Variants in RABGAP1L observed in about 807,000 individuals in gnomAD.
The protein encoded by RABGAP1L is RAB GTPase activating protein 1 like.
In RABGAP1L, 63 loss-of-function variants were observed where a neutral mutation model predicts 137.7. The observed-to-expected ratio is 0.46, with a 90% CI of 0.37 to 0.56. The LOEUF is 0.56. Among genes scored for constraint, RABGAP1L ranks in the 20% least tolerant of loss-of-function variants. The pLI is 0.00. For missense variants in RABGAP1L, 1,095 were observed against 1,244.0 expected, an observed-to-expected ratio of 0.88 and a Z score of 1.80; for synonymous variants, 431 against 433.7, an observed-to-expected ratio of 0.99 and a Z score of 0.08.
intron 7 of RABGAP1L, among the ~76,000 whole-genome samples, chr1:174,266,066 T>C (rs1674044655): frequency 6.6e-6 from 1 of 152,186 alleles, no homozygotes; most frequent in Non-Finnish European, 1.5e-5. Flanking sequence ...ATTACTGATA[T>C]CACTGAAGTT....
At chr1:174,946,944 GT>G (rs1666944847) in intron 19 of RABGAP1L, among the ~76,000 whole-genome samples, 2 of 53,360 alleles carry the variant, frequency 3.7e-5, no homozygotes, top group South Asian at 7.7e-4. Context: ...ATATATATGT[GT>G]GTGTGTGTGT....
At chr1:174,685,853 G>A (rs1229267332) in intron 15 of RABGAP1L, among the ~76,000 whole-genome samples, 1 of 152,182 alleles carries the variant, frequency 6.6e-6, no homozygotes, top group Non-Finnish European at 1.5e-5. Context: ...GAGCCGCTGT[G>A]CCCGTCTGAT....
chr1:174,221,708 G>A (rs1262427210), intron 3 of RABGAP1L, among the ~76,000 whole-genome samples: 3 of 152,118 alleles, frequency 2.0e-5, no homozygotes, highest in African/African-American at 7.2e-5. Context: ...AAACACCACA[G>A]GTATAATTTG....
chr1:174,704,032 C>CT (rs1679868972), intron 17 of RABGAP1L, among the ~76,000 whole-genome samples: 1 of 152,174 alleles, frequency 6.6e-6, no homozygotes, highest in Non-Finnish European at 1.5e-5. Flanking sequence ...TAGTCTCACT[C>CT]TGTCACCTAG....
intron 6 of RABGAP1L, among the ~76,000 whole-genome samples, chr1:174,250,850 A>G (rs931435483): frequency 2.0e-5 from 3 of 151,946 alleles, no homozygotes; most frequent in African/African-American, 7.3e-5. Flanking sequence ...TGGAGTGTGC[A>G]TGTGCAATGG....
intron 13 of RABGAP1L, among the ~76,000 whole-genome samples, chr1:174,434,867 A>G (rs1225015830): frequency 6.6e-6 from 1 of 152,072 alleles, no homozygotes; most frequent in African/African-American, 2.4e-5. Flanking sequence ...TCAGTTATAT[A>G]TTTTGGATGC....
chr1:174,220,237 G>A (rs983397556), intron 2 of RABGAP1L, among the ~76,000 whole-genome samples: 2 of 152,100 alleles, frequency 1.3e-5, no homozygotes, highest in African/African-American at 4.8e-5. Flanking sequence ...CAGAAATATG[G>A]TTATGCTGTG....
rs563036203 is a variant in RABGAP1L, at chr1:174,310,259, T to C, written c.1465+5132T>C. ...TTAATTTCCATGTATTTGTGAATTT[T>C]CCGAAGCTTTTTCTGTTATTAATTT... On this transcript the variant is annotated intron_variant, in intron 11 of 25. Transcript: ENST00000681986. Among the ~76,000 whole-genome samples the C allele has an allele frequency of 4.6e-5, 7 of 152,308 alleles. No homozygotes were observed. The South Asian group carries it at 1.5e-3, about 32-fold the overall frequency.
intron 14 of RABGAP1L, among the ~76,000 whole-genome samples, chr1:174,645,240 A>G (rs1365171312): frequency 1.3e-5 from 2 of 152,022 alleles, no homozygotes; most frequent in South Asian, 2.1e-4. Context: ...TGTATTATAT[A>G]TATCTTTTCA....
At position 174,624,790 on chromosome 1, in the gene RABGAP1L, A is replaced by G. The variant is rs184784697; in HGVS notation, c.1711-12585A>G. ...TGACTGTAACACTCTTTCTCTAAAT[A>G]TTTCTCTAAATAATCTCACTCAGAG... On this transcript the variant is annotated intron_variant, in intron 13 of 25. Coordinates refer to ENST00000681986, the MANE Select transcript of RABGAP1L (RefSeq NM_001366446.1). Among the ~76,000 whole-genome samples, 1,036 of 144,452 alleles carry G rather than the reference A, an allele frequency of 7.2e-3. 13 individuals are homozygous for G. Among genetic ancestry groups the G allele is most frequent in the African/African-American group, 0.028 (976 of 35,044 alleles). The allele number at this position is 144,452 out of a possible 152,430, so 94.8% of individuals were successfully genotyped here.
chr1:174,161,444 G>A (rs1664447200), intron 1 of RABGAP1L, among the ~76,000 whole-genome samples: 1 of 152,082 alleles, frequency 6.6e-6, no homozygotes, highest in Admixed American at 6.5e-5. Context: ...GTTTCTCCAT[G>A]TTGGTCAGGC....
chr1:174,372,225 G>C (rs1171725346), intron 12 of RABGAP1L, among the ~76,000 whole-genome samples: 1 of 151,988 alleles, frequency 6.6e-6, no homozygotes, highest in Non-Finnish European at 1.5e-5. Flanking sequence ...AGCAAAATAT[G>C]AGCATGGACC....
chr1:174,417,552 A>G (rs1650746980), intron 13 of RABGAP1L, among the ~76,000 whole-genome samples: 1 of 152,212 alleles, frequency 6.6e-6, no homozygotes, highest in Non-Finnish European at 1.5e-5. Context: ...ATCTTGAACA[A>G]GAACAGTGAT....
chr1:174,730,551 T>A (rs1348527667), intron 17 of RABGAP1L, among the ~76,000 whole-genome samples: 1 of 152,210 alleles, frequency 6.6e-6, no homozygotes, highest in Non-Finnish European at 1.5e-5. Context: ...AATAAGACCT[T>A]TTTTTGGTGA....
At chr1:174,849,798 T>C (rs894592787) in intron 19 of RABGAP1L, 1 of 541,720 alleles carries the variant, frequency 1.8e-6, no homozygotes, top group African/African-American at 1.9e-5. Flanking sequence ...TTTATGATTA[T>C]TGAGAAGTGT....
intron 10 of RABGAP1L, among the ~76,000 whole-genome samples, chr1:174,297,999 T>C (rs1677285013): frequency 6.6e-6 from 1 of 152,028 alleles, no homozygotes; most frequent in Non-Finnish European, 1.5e-5. Context: ...ACGTGTCCCA[T>C]AGTACAGAGA....
intron 19 of RABGAP1L, 138 bp downstream of exon 19, chr1:174,812,098 G>A (rs1288790247): frequency 1.2e-6 from 1 of 812,702 alleles, no homozygotes; most frequent in African/African-American, 1.8e-5. Flanking sequence ...ATTTCTCCCA[G>A]ATGTGTTTGT....
chr1:174,211,837 TATCAG>T (rs1362621464), intron 1 of RABGAP1L, among the ~76,000 whole-genome samples: 1 of 152,142 alleles, frequency 6.6e-6, no homozygotes, highest in Non-Finnish European at 1.5e-5. Context: ...GCTATACTTC[TATCAG>T]ACAAAATTGA....
chr1:174,875,620 G>A lies in RABGAP1L; in HGVS notation c.2340+63660G>A, dbSNP rs1652962010. 4.1e-6 allele frequency: 4 copies of A among 985,312 alleles called. No homozygotes were observed. The African/African-American group carries it at 7.0e-5, about 17-fold the overall frequency. 61.0% of individuals were successfully genotyped at this position (985,312 alleles called of 1,614,324 possible). A position where few individuals can be genotyped will look rare whatever the true frequency, so the allele number is the denominator to read the frequency against. ...ATTGCTTTCACATCTAGAAAATGTT[G>A]CAAGATAATCTGAAATCTTCTGGTG... On this transcript the variant is annotated intron_variant, in intron 19 of 25. Transcript: ENST00000681986.
Sources: gnomAD v4.1 joint callset for allele counts (sites outside exome capture counted in the v4.1 genomes callset) on GRCh38, gnomAD v4.1.1 for gene constraint, MANE v1.5 for transcripts, NCBI Gene and HGNC (gene_info 2026-07-23, HGNC 2026-07-21) for gene names.